The following EPHA7 variants were observed in gnomAD, a reference collection of about 807,000 sequenced individuals.
EPHA7 encodes EPH receptor A7.
A neutral mutation model predicts 112.6 loss-of-function variants in EPHA7; 25 were observed. The ratio of observed to expected loss-of-function variants is 0.22; its 90% CI spans 0.16 to 0.31. The LOEUF is 0.31. Among genes scored for constraint, EPHA7 ranks in the 10% least tolerant of loss-of-function variants. The pLI is 1.00. For missense variants in EPHA7, 962 were observed against 1,212.6 expected (o/e 0.79, Z 3.07); for synonymous variants, 437 against 406.5 (o/e 1.07, Z -0.90).
chr6:93,362,562 T>C (rs1217931827), intron 3 of EPHA7, among the ~76,000 whole-genome samples: 7 of 152,134 alleles, frequency 4.6e-5, no homozygotes, highest in Non-Finnish European at 1.0e-4. Context: ...AAACCTTCTA[T>C]GCTGATTCTC....
At chr6:93,346,186 G>A (rs370163106) in intron 5 of EPHA7, among the ~76,000 whole-genome samples, 55 of 151,664 alleles carry the variant, frequency 3.6e-4, no homozygotes, top group East Asian at 1.7e-3. Context: ...TACTACTGTC[G>A]TCATCATTAT....
chr6:93,270,020 A>G (rs1019594930), intron 6 of EPHA7, among the ~76,000 whole-genome samples: 2 of 151,678 alleles, frequency 1.3e-5, no homozygotes, highest in African/African-American at 4.8e-5. Context: ...TCAAATCATA[A>G]TGTAGTTCTC....
rs71542009 is a variant in EPHA7 at position 93,311,114 on chromosome 6, A to ATTTTTTTTTTTTT, written c.1325-38705_1325-38693dup. 3.5e-3 allele frequency among the ~76,000 whole-genome samples: 275 copies of ATTTTTTTTTTTTT among 78,498 alleles called. 38 individuals carry two copies. The highest frequency in any genetic ancestry group is 0.014 in the African/African-American group (234 of 17,014). The allele number at this position is 78,498 out of a possible 152,430, so 51.5% of individuals were successfully genotyped here. Reference sequence around the variant, plus strand: ...ACAGGCATGTGCATCATGCCCAGCTATTTTTTTTTTTTTTTTTTTTTTTTT... The same window carrying ATTTTTTTTTTTTT: ...ACAGGCATGTGCATCATGCCCAGCTATTTTTTTTTTTTTTTTTTTTTTTTTTTTTTTTTTTTTT... On this transcript the variant is annotated intron_variant, in intron 5 of 16. Coordinates refer to ENST00000369303, the MANE Select transcript of EPHA7 (RefSeq NM_004440.4).
At chr6:93,272,189 T>C in intron 6 of EPHA7, 109 bp downstream of exon 6, 3 of 1,257,292 alleles carry the variant, frequency 2.4e-6, no homozygotes, top group Non-Finnish European at 3.4e-6. Context: ...ACTACGAAGT[T>C]TGAAGTAGCT....
chr6:93,269,863 G>A (rs1771125254), intron 6 of EPHA7, among the ~76,000 whole-genome samples: 1 of 151,614 alleles, frequency 6.6e-6, no homozygotes, highest in African/African-American at 2.4e-5. Context: ...TATATTTAGG[G>A]CGAAATAATT....
chr6:93,371,286 CAATACAAA>C (rs1246576593), intron 3 of EPHA7, among the ~76,000 whole-genome samples: 2 of 151,642 alleles, frequency 1.3e-5, no homozygotes, highest in African/African-American at 4.8e-5. Context: ...AATAATGCAA[CAATACAAA>C]AATACAAATT....
chr6:93,282,205 G>C (rs533412863), intron 5 of EPHA7, among the ~76,000 whole-genome samples: 1 of 152,222 alleles, frequency 6.6e-6, no homozygotes, highest in East Asian at 1.9e-4. Context: ...TGAAGAAAAA[G>C]GGAATATGAG....
intron 5 of EPHA7, among the ~76,000 whole-genome samples, chr6:93,330,078 T>C (rs529736052): frequency 4.0e-5 from 6 of 151,492 alleles, no homozygotes; most frequent in African/African-American, 1.4e-4. Context: ...ATTCTTGTTA[T>C]ACAATGTCAA....
chr6:93,364,839 T>A (rs955956943), intron 3 of EPHA7, among the ~76,000 whole-genome samples: 1 of 152,146 alleles, frequency 6.6e-6, no homozygotes, highest in Non-Finnish European at 1.5e-5. Context: ...ATTTAGTATG[T>A]ATTTTTGGAG....
rs192995041 is a variant in EPHA7 at position 93,354,431 on chromosome 6, C to T, written c.1324+2286G>A. On this transcript the variant is annotated intron_variant, in intron 5 of 16. Transcript: ENST00000369303. ...AAAACTGCAAACCTAGTTTTTTAACCTTTATTTATGTTTATGTTATTTAAT... is the reference window on the plus strand; with the variant it reads ...AAAACTGCAAACCTAGTTTTTTAACTTTTATTTATGTTTATGTTATTTAAT... Among the ~76,000 whole-genome samples the T allele has an allele frequency of 1.4e-4, 21 of 151,846 alleles. No individual in the cohort carries two copies. In the East Asian group the frequency reaches 2.9e-3, roughly 21 times the overall value.
In EPHA7 at chr6:93,311,114, A is replaced by ATTTTTTTTTTTTTTTTT. The variant is rs71542009; in HGVS notation, c.1325-38709_1325-38693dup. The stretch of plus-strand genomic sequence containing the variant: ...ACAGGCATGTGCATCATGCCCAGCT[A>ATTTTTTTTTTTTTTTTT]TTTTTTTTTTTTTTTTTTTTTTTTT... On this transcript the variant is annotated intron_variant, in intron 5 of 16. Transcript: ENST00000369303. Among the ~76,000 whole-genome samples the ATTTTTTTTTTTTTTTTT allele has an allele frequency of 3.9e-4, 31 of 78,506 alleles. 4 individuals carry two copies. The highest frequency in any genetic ancestry group is 1.2e-3 in the African/African-American group (21 of 17,022). 51.5% of individuals were successfully genotyped at this position (78,506 alleles called of 152,430 possible).
intron 15 of EPHA7, 117 bp from the exon 16 acceptor site, chr6:93,245,570 A>C: frequency 1.0e-6 from 1 of 956,700 alleles, no homozygotes; most frequent in Non-Finnish European, 1.5e-6. Context: ...ATTGGTGTAC[A>C]TAATAAAAAA....
intron 5 of EPHA7, among the ~76,000 whole-genome samples, chr6:93,274,154 G>A (rs73755360): frequency 0.1 from 15,854 of 151,884 alleles, 1,096 homozygotes; most frequent in Non-Finnish European, 0.15. Context: ...GAGCTCGTAT[G>A]TGTAAATCTC....
intron 3 of EPHA7, among the ~76,000 whole-genome samples, chr6:93,409,187 C>T (rs1778857971): frequency 6.6e-6 from 1 of 151,718 alleles, no homozygotes; most frequent in African/African-American, 2.4e-5. Flanking sequence ...GGAAGTAATC[C>T]AATTTATATA....
chr6:93,258,403 A>C, intron 10 of EPHA7, 119 bp from the exon 11 acceptor site: 1 of 1,072,350 alleles, frequency 9.3e-7, no homozygotes, highest in Non-Finnish European at 1.3e-6. Context: ...AAGCATTTTA[A>C]AATATTTTCA....
intron 5 of EPHA7, among the ~76,000 whole-genome samples, chr6:93,309,173 T>A (rs1773407395): frequency 6.6e-6 from 1 of 152,176 alleles, no homozygotes; most frequent in South Asian, 2.1e-4. Flanking sequence ...GGTCTCAAAC[T>A]CCTGACTTCA....
chr6:93,392,785 T>C (rs1343842831), intron 3 of EPHA7, among the ~76,000 whole-genome samples: 1 of 151,880 alleles, frequency 6.6e-6, no homozygotes, highest in Admixed American at 6.6e-5. Context: ...TAAAACACCA[T>C]TTATTATTTA....
chr6:93,405,023 G>A (rs969861869), intron 3 of EPHA7, among the ~76,000 whole-genome samples: 1 of 151,680 alleles, frequency 6.6e-6, no homozygotes, highest in Non-Finnish European at 1.5e-5. Context: ...AAGCTACCTG[G>A]TTACTTAGAA....
At chr6:93,349,567 T>A (rs1174655835) in intron 5 of EPHA7, among the ~76,000 whole-genome samples, 1 of 151,944 alleles carries the variant, frequency 6.6e-6, no homozygotes, top group Non-Finnish European at 1.5e-5. Flanking sequence ...TTCCTGTTTT[T>A]TGCATTTATA....
Sources: gnomAD v4.1 joint callset for allele counts (sites outside exome capture counted in the v4.1 genomes callset) on GRCh38, gnomAD v4.1.1 for gene constraint, MANE v1.5 for transcripts, NCBI Gene and HGNC (gene_info 2026-07-23, HGNC 2026-07-21) for gene names.